NYAP2: variants seen among roughly 807,000 people sequenced by gnomAD.
The protein encoded by NYAP2 is neuronal tyrosine-phosphorylated phosphoinositide-3-kinase adapter 2.
A neutral mutation model predicts 50.4 loss-of-function variants in NYAP2; 23 were observed. The observed-to-expected ratio is 0.46, with a 90% CI of 0.33 to 0.65. The LOEUF (loss-of-function observed/expected upper bound fraction) is 0.65. Among genes scored for constraint, NYAP2 ranks in the 30% least tolerant of loss-of-function variants. The pLI is 0.02. For missense variants in NYAP2, 885 were observed against 861.0 expected (o/e 1.03, Z -0.35); for synonymous variants, 394 against 365.2 (o/e 1.08, Z -0.90).
intron 6 of NYAP2, among the ~76,000 whole-genome samples, chr2:225,635,140 T>A (rs919439588): frequency 2.0e-5 from 3 of 152,180 alleles, no homozygotes; most frequent in African/African-American, 7.2e-5. Context: ...AAGACTCCCA[T>A]GCACACAAGT....
chr2:225,500,241 G>T (rs1360418479), intron 3 of NYAP2, among the ~76,000 whole-genome samples: 3 of 152,210 alleles, frequency 2.0e-5, no homozygotes, highest in Non-Finnish European at 4.4e-5. Context: ...AAAGCTTGCA[G>T]TCATAAAGAG....
At chr2:225,479,438 A>G (rs767574347) in intron 3 of NYAP2, among the ~76,000 whole-genome samples, 6 of 152,196 alleles carry the variant, frequency 3.9e-5, no homozygotes, top group Non-Finnish European at 7.4e-5. Context: ...AAAGGTCTAG[A>G]TGATTTGAAC....
At chr2:225,670,266 G>A in the NYAP2 span, among the ~76,000 whole-genome samples, 1 of 152,136 alleles carries the variant, frequency 6.6e-6, no homozygotes, top group Non-Finnish European at 1.5e-5. Context: ...TAGAGGAAAT[G>A]GGTGCATGCT....
intron 2 of NYAP2, among the ~76,000 whole-genome samples, chr2:225,404,565 T>G (rs2106116294): frequency 6.6e-6 from 1 of 152,152 alleles, no homozygotes; most frequent in East Asian, 1.9e-4. Context: ...ATTTAACTTA[T>G]GGTAAGAATT....
rs988522895 is a variant in NYAP2, at chr2:225,518,886, C to T, written c.523+5214C>T. Among the ~76,000 whole-genome samples, 12 of 151,758 alleles carry T rather than the reference C, an allele frequency of 7.9e-5. No individual in the cohort carries two copies. The South Asian group carries it at 8.3e-4, about 11-fold the overall frequency. On this transcript the variant is annotated intron_variant, in intron 4 of 6. Coordinates refer to ENST00000636099, the Ensembl canonical transcript of NYAP2. ...TATAAAAACTAGCCAGGCATGTGGG[C>T]GGGAGCCTGTAATCCCAGCTACTCA...
chr2:225,510,195 T>C (rs970340355), intron 3 of NYAP2, among the ~76,000 whole-genome samples: 2 of 152,230 alleles, frequency 1.3e-5, no homozygotes, highest in African/African-American at 2.4e-5. Context: ...TGGGGATTGT[T>C]TGTTACTGCA....
chr2:225,627,711 GTTAAAA>G (rs1163357628), intron 6 of NYAP2, among the ~76,000 whole-genome samples: 10 of 152,152 alleles, frequency 6.6e-5, no homozygotes, highest in African/African-American at 2.2e-4. Context: ...AATGTCACAA[GTTAAAA>G]TTAAAATCTG....
intron 3 of NYAP2, among the ~76,000 whole-genome samples, chr2:225,496,496 C>T (rs1306650197): frequency 6.6e-6 from 1 of 152,110 alleles, no homozygotes; most frequent in Non-Finnish European, 1.5e-5. Context: ...GATCCAAATC[C>T]TGTATTTTCC....
At chr2:225,613,729 T>C (rs564435678) in intron 5 of NYAP2, among the ~76,000 whole-genome samples, 316 of 152,316 alleles carry the variant, frequency 2.1e-3, no homozygotes, top group Non-Finnish European at 3.6e-3. Context: ...CATTAACTTT[T>C]TTTAATAATA....
rs746672929 is a variant in NYAP2 at position 225,582,752 on chromosome 2, C to T, written c.1335C>T (p.Ser445=). ...CCTCCCCCGTCAGCATGGGGAGGTC[C>T]CTGACTCCCCTGAGCCTCAAAAGGC... is the stretch of plus-strand genomic sequence containing the variant. The change falls in exon 5 of 7, where the codon TCC becomes TCT. Residue 445 remains serine (S), a synonymous_variant. Coordinates refer to ENST00000636099, the Ensembl canonical transcript of NYAP2. This position sits in a 1 kb window ranked among gnomAD's most constrained non-coding sequence, Gnocchi z 7.0. The T allele has an allele frequency of 2.5e-6, 4 of 1,613,398 alleles. No homozygotes were observed. Among genetic ancestry groups the T allele is most frequent in the Non-Finnish European group, 3.4e-6 (4 of 1,179,436 alleles).
intron 3 of NYAP2, among the ~76,000 whole-genome samples, chr2:225,483,581 T>C (rs186049173): frequency 9.2e-5 from 14 of 152,156 alleles, no homozygotes; most frequent in East Asian, 3.9e-4. Flanking sequence ...GAGACGTGTG[T>C]GCACACACAC....
intron 4 of NYAP2, among the ~76,000 whole-genome samples, chr2:225,558,369 C>A (rs997895429): frequency 6.6e-6 from 1 of 152,030 alleles, no homozygotes; most frequent in Admixed American, 6.6e-5. Context: ...TAGGGGAAAC[C>A]CTTTGTCCAT....
chr2:225,449,936 A>T (rs1012053931), intron 3 of NYAP2, among the ~76,000 whole-genome samples: 10 of 152,076 alleles, frequency 6.6e-5, no homozygotes, highest in African/African-American at 2.4e-4. Context: ...TACACGAGAT[A>T]GCTCCTATGC....
At chr2:225,657,144 C>G (rs1429063516), downstream of NYAP2, among the ~76,000 whole-genome samples, 1 of 123,522 alleles carries the variant, frequency 8.1e-6, no homozygotes, top group Admixed American at 1.0e-4. Context: ...GAGCTTCACT[C>G]TTGTTGCCTA....
chr2:225,524,201 G>A (rs1012106777), intron 4 of NYAP2, among the ~76,000 whole-genome samples: 2 of 152,188 alleles, frequency 1.3e-5, no homozygotes, highest in African/African-American at 4.8e-5. Flanking sequence ...GAAGCCAAAA[G>A]TGCAGCCTTC....
chr2:225,410,684 G>T (rs1695023784), intron 3 of NYAP2, among the ~76,000 whole-genome samples: 1 of 151,982 alleles, frequency 6.6e-6, no homozygotes, highest in African/African-American at 2.4e-5. Flanking sequence ...CCCAAAGTTT[G>T]CTTATCACTC....
At chr2:225,655,814 G>C (rs1471494129), downstream of NYAP2, among the ~76,000 whole-genome samples, 1 of 149,886 alleles carries the variant, frequency 6.7e-6, no homozygotes, top group African/African-American at 2.4e-5. Flanking sequence ...GCTTTCCTTG[G>C]AAAAATGTTC....
intron 5 of NYAP2, among the ~76,000 whole-genome samples, chr2:225,615,586 G>A (rs1397670949): frequency 6.6e-6 from 1 of 152,198 alleles, no homozygotes; most frequent in Non-Finnish European, 1.5e-5. Flanking sequence ...ATAAGTCAGT[G>A]TGTGTGTTCC....
At chr2:225,481,646 T>C (rs1434259958) in intron 3 of NYAP2, among the ~76,000 whole-genome samples, 1 of 152,172 alleles carries the variant, frequency 6.6e-6, no homozygotes, top group Non-Finnish European at 1.5e-5. Flanking sequence ...TTGCAAACAA[T>C]AATATGAAGT....
Sources: gnomAD v4.1 joint callset for allele counts (sites outside exome capture counted in the v4.1 genomes callset) on GRCh38, gnomAD v4.1.1 for gene constraint, Gnocchi (gnomAD v3.1) non-coding constraint, MANE v1.5 for transcripts, NCBI Gene and HGNC (gene_info 2026-07-23, HGNC 2026-07-21) for gene names.